Variants in ANGPTL1 observed in about 807,000 individuals in gnomAD.
ANGPTL1 encodes angiopoietin like 1.
Under a neutral mutation model 46.7 loss-of-function variants are expected in ANGPTL1, and 36 were observed. The observed-to-expected ratio is 0.77, with a 90% CI of 0.59 to 1.02. ANGPTL1 has a LOEUF of 1.02. ANGPTL1 is among the 50% of genes least tolerant of loss of function. The pLI, the probability that ANGPTL1 is intolerant of heterozygous loss-of-function variation, is 0.00. For synonymous variants in ANGPTL1, 221 were observed against 204.3 expected (o/e 1.08, Z -0.69); for missense variants, 571 against 594.7 (o/e 0.96, Z 0.41).
intron 3 of ANGPTL1, among the ~76,000 whole-genome samples, chr1:178,861,861 G>A (rs1658037728): frequency 6.6e-6 from 1 of 152,046 alleles, no homozygotes; most frequent in African/African-American, 2.4e-5. Context: ...AGGGATTGAG[G>A]TTTGTTTGTT....
rs1398465651 is a variant in ANGPTL1 at position 178,871,019 on chromosome 1, G to A, written c.-415C>T. 1.3e-5 allele frequency: 2 copies of A among 152,226 alleles called. No homozygotes were observed. The allele number at this position is 152,226 out of a possible 1,614,324, so 9.4% of individuals were successfully genotyped here. Reference sequence around the variant, plus strand: ...AGAGAAAGCGTTGTGGCTTTGCTCTGTCTGCCACATGGAGAAATGCAGTAA... The same window carrying A: ...AGAGAAAGCGTTGTGGCTTTGCTCTATCTGCCACATGGAGAAATGCAGTAA... On this transcript the variant is annotated 5_prime_UTR_variant, in exon 1 of 6. Transcript: ENST00000234816.
chr1:178,850,545 T>G lies in ANGPTL1; in HGVS notation c.*584A>C, dbSNP rs1271056023. ...TAAAAATGATATGTATTTAATACTA[T>G]GGGTCATGTTTTGGGAAAATCAGCA... is the stretch of plus-strand genomic sequence containing the variant. On this transcript the variant is annotated 3_prime_UTR_variant, in exon 6 of 6. Coordinates refer to ENST00000234816, the MANE Select transcript of ANGPTL1 (RefSeq NM_004673.4). The G allele has an allele frequency of 6.6e-6, 1 of 152,126 alleles. No homozygotes were observed. The highest frequency in any genetic ancestry group is 1.5e-5 in the Non-Finnish European group (1 of 68,014). The allele number at this position is 152,126 out of a possible 1,614,324, so 9.4% of individuals were successfully genotyped here.
chr1:178,864,954 C>A lies in ANGPTL1; in HGVS notation c.823G>T (p.Gly275Ter). 1 of 1,444,734 alleles carries A rather than the reference C, an allele frequency of 6.9e-7. No homozygotes were observed. The highest frequency in any genetic ancestry group is 1.8e-5 in the South Asian group (1 of 55,838). 89.5% of individuals were successfully genotyped at this position (1,444,734 alleles called of 1,614,324 possible). A position where few individuals can be genotyped will look rare whatever the true frequency, so the allele number is the denominator to read the frequency against. Residue 275 changes from glycine (G) to a stop codon, truncating the protein, a stop_gained and splice_region_variant, in exon 3 of 6, where the codon GGA (glycine) becomes TGA (stop). Coordinates refer to ENST00000234816, the MANE Select transcript of ANGPTL1 (RefSeq NM_004673.4). LOFTEE classifies it high-confidence loss of function. ...CTTTTTACAGTAAGAGGTAACTCAC[C>A]TTCATTGATGAAAGTTACCGGTGGT... ...KIPPVTFINE[G>*]PFKDCQQAKE...
intron 3 of ANGPTL1, among the ~76,000 whole-genome samples, chr1:178,860,177 A>G (rs1004579064): frequency 3.7e-4 from 56 of 150,548 alleles, no homozygotes; most frequent in African/African-American, 1.3e-3. Flanking sequence ...CTATTTGTAA[A>G]AGAGTAATTT....
At chr1:178,868,554 C>T (rs1658558555) in intron 2 of ANGPTL1, among the ~76,000 whole-genome samples, 1 of 151,844 alleles carries the variant, frequency 6.6e-6, no homozygotes, top group African/African-American at 2.4e-5. Flanking sequence ...TGTATTAATA[C>T]CAGACACAGA....
chr1:178,855,399 T>C (rs924782539), intron 3 of ANGPTL1, among the ~76,000 whole-genome samples: 1 of 151,868 alleles, frequency 6.6e-6, no homozygotes, highest in Non-Finnish European at 1.5e-5. Flanking sequence ...ACAAGGAAAT[T>C]GAAAAGTACA....
At chr1:178,861,561 G>A (rs138129913) in intron 3 of ANGPTL1, among the ~76,000 whole-genome samples, 1 of 151,880 alleles carries the variant, frequency 6.6e-6, no homozygotes, top group Non-Finnish European at 1.5e-5. Context: ...AATGTGAATA[G>A]TGATTTCTGC....
At chr1:178,853,382 T>C (rs1032614926) in intron 4 of ANGPTL1, among the ~76,000 whole-genome samples, 1 of 152,188 alleles carries the variant, frequency 6.6e-6, no homozygotes, top group South Asian at 2.1e-4. Flanking sequence ...AAGGGATCAT[T>C]TAAAAGTATA....
At chr1:178,858,272 C>T (rs1657728328) in intron 3 of ANGPTL1, among the ~76,000 whole-genome samples, 1 of 152,058 alleles carries the variant, frequency 6.6e-6, no homozygotes, top group Non-Finnish European at 1.5e-5. Context: ...ACTTGAAAAT[C>T]TTATTTACTT....
chr1:178,862,882 G>A (rs1018347520), intron 3 of ANGPTL1, among the ~76,000 whole-genome samples: 18 of 152,136 alleles, frequency 1.2e-4, no homozygotes, highest in African/African-American at 4.1e-4. Context: ...AGATGAATCT[G>A]CTGGCAATGT....
At position 178,850,286 on chromosome 1, in the gene ANGPTL1, A is replaced by G. The variant is rs1266225285; in HGVS notation, c.*843T>C. 1 of 152,628 alleles carries G rather than the reference A, an allele frequency of 6.6e-6. No homozygotes were observed. Among genetic ancestry groups the G allele is most frequent in the East Asian group, 1.9e-4 (1 of 5,202 alleles). 9.5% of individuals were successfully genotyped at this position (152,628 alleles called of 1,614,324 possible). ...GTAGTAGTAAGATCAGTAAATTAGA[A>G]AAAAAGTAATAATAAATTAGAACTA... On this transcript the variant is annotated 3_prime_UTR_variant, in exon 6 of 6. Coordinates refer to ENST00000234816, the MANE Select transcript of ANGPTL1 (RefSeq NM_004673.4).
intron 4 of ANGPTL1, 112 bp downstream of exon 4, chr1:178,853,482 A>T: frequency 1.1e-6 from 1 of 941,178 alleles, no homozygotes; most frequent in South Asian, 2.3e-5. Context: ...GAAAAAACAT[A>T]TGGATAGTTA....
chr1:178,853,512 T>C (rs1657320831), intron 4 of ANGPTL1, 82 bp downstream of exon 4: 2 of 1,130,912 alleles, frequency 1.8e-6, no homozygotes, highest in African/African-American at 1.6e-5. Flanking sequence ...GTGTGTCTTA[T>C]TTATTGCATA....
In ANGPTL1 at chr1:178,862,382, C is replaced by G. The variant is rs147546458; in HGVS notation, c.823+2572G>C. 5.7e-3 allele frequency among the ~76,000 whole-genome samples: 873 copies of G among 152,176 alleles called. 8 individuals are homozygous for G. The highest frequency in any genetic ancestry group is 0.02 in the African/African-American group (819 of 41,538). On this transcript the variant is annotated intron_variant, in intron 3 of 5. Transcript: ENST00000234816. The stretch of plus-strand genomic sequence containing the variant: ...ATATTTAGCAACTGCAGGTAAGACA[C>G]TGTAACCATCTACCAGGAAGGAGCT...
At chr1:178,862,299 G>T (rs1658078905) in intron 3 of ANGPTL1, among the ~76,000 whole-genome samples, 1 of 152,074 alleles carries the variant, frequency 6.6e-6, no homozygotes, top group Middle Eastern at 3.2e-3. Context: ...TTTCATGAGG[G>T]TCTTTGGAAT....
rs1464344432 is a variant in ANGPTL1, at chr1:178,850,657, A to C, written c.*472T>G. 4.6e-5 allele frequency: 7 copies of C among 152,450 alleles called. No individual in the cohort carries two copies. The highest frequency in any genetic ancestry group is 1.7e-4 in the African/African-American group (7 of 41,466). The allele number at this position is 152,450 out of a possible 1,614,324, so 9.4% of individuals were successfully genotyped here. A position where few individuals can be genotyped will look rare whatever the true frequency, so the allele number is the denominator to read the frequency against. On this transcript the variant is annotated 3_prime_UTR_variant, in exon 6 of 6. Transcript: ENST00000234816. ...GAAATAACTTTTATTCAATGGAAGAAGCATTTTCTATTGGCAAAACTAGAG... is the reference window on the plus strand; with the variant it reads ...GAAATAACTTTTATTCAATGGAAGACGCATTTTCTATTGGCAAAACTAGAG...
At chr1:178,870,664 G>A (rs1013745142) in intron 1 of ANGPTL1, 77 bp downstream of exon 1, 10 of 152,086 alleles carry the variant, frequency 6.6e-5, no homozygotes, top group African/African-American at 2.4e-4. Flanking sequence ...AAAAGATTCT[G>A]AAATTTCTAC....
chr1:178,860,491 A>G (rs1306324303), intron 3 of ANGPTL1, among the ~76,000 whole-genome samples: 1 of 152,112 alleles, frequency 6.6e-6, no homozygotes, highest in Non-Finnish European at 1.5e-5. Context: ...TGTACAGTTT[A>G]TTGGCATTAA....
At chr1:178,856,190 CAGAGAG>C (rs139246466) in intron 3 of ANGPTL1, among the ~76,000 whole-genome samples, 71 of 69,012 alleles carry the variant, frequency 1.0e-3, no homozygotes, top group African/African-American at 2.9e-3. Flanking sequence ...TGTACTTTTC[CAGAGAG>C]AGAGAGATAT....
Sources: allele counts gnomAD v4.1 joint callset (sites outside exome capture counted in the v4.1 genomes callset), GRCh38; gene constraint gnomAD v4.1.1; transcripts MANE v1.5; gene names NCBI Gene and HGNC (gene_info 2026-07-23, HGNC 2026-07-21).